SLC30A4: variants seen among roughly 807,000 people sequenced by gnomAD.
The protein encoded by SLC30A4 is solute carrier family 30 member 4.
Under a neutral mutation model 41.7 loss-of-function variants are expected in SLC30A4, and 20 were observed. The ratio of observed to expected loss-of-function variants is 0.48; its 90% CI spans 0.34 to 0.70. SLC30A4 has a LOEUF of 0.70. Ranked by LOEUF, SLC30A4 falls within the 30% of genes least tolerant of loss-of-function variation. SLC30A4 has a pLI of 0.01. For synonymous variants in SLC30A4, 181 were observed against 195.9 expected, an observed-to-expected ratio of 0.92 and a Z score of 0.64; for missense variants, 441 against 529.3, an observed-to-expected ratio of 0.83 and a Z score of 1.64.
intron 2 of SLC30A4, chr15:45,520,769 T>G (rs1892641379): frequency 4.6e-6 from 1 of 215,374 alleles, no homozygotes; most frequent in Non-Finnish European, 9.6e-6. Flanking sequence ...AAAACTTTTG[T>G]TTCAGTTATA....
chr15:45,516,857 A>T (rs1026919093), intron 2 of SLC30A4, among the ~76,000 whole-genome samples: 6 of 152,136 alleles, frequency 3.9e-5, no homozygotes. Flanking sequence ...CAGGAGGCAG[A>T]GGCTGCAGTG....
At chr15:45,502,048 T>C (rs1366533157) in intron 3 of SLC30A4, 2 of 152,110 alleles carry the variant, frequency 1.3e-5, no homozygotes, top group African/African-American at 4.8e-5. Context: ...ACACGGGTGA[T>C]TTCATTGTAA....
intron 2 of SLC30A4, among the ~76,000 whole-genome samples, chr15:45,520,195 TAGTC>T (rs956397614): frequency 1.3e-5 from 2 of 152,066 alleles, no homozygotes; most frequent in Non-Finnish European, 2.9e-5. Flanking sequence ...AGATTTACTT[TAGTC>T]AGTCAGAAAA....
chr15:45,516,153 A>AT (rs776110368), intron 2 of SLC30A4, among the ~76,000 whole-genome samples: 2 of 152,176 alleles, frequency 1.3e-5, no homozygotes, highest in Non-Finnish European at 2.9e-5. Flanking sequence ...TTTTACTATT[A>AT]TATCTGACTG....
intron 3 of SLC30A4, among the ~76,000 whole-genome samples, chr15:45,498,916 G>C (rs775584911): frequency 6.6e-6 from 1 of 152,074 alleles, no homozygotes; most frequent in Non-Finnish European, 1.5e-5. Flanking sequence ...AGAGCAAGAG[G>C]GGATAAAAAA....
chr15:45,486,488 C>CT, intron 7 of SLC30A4, 123 bp downstream of exon 7: 1 of 895,968 alleles, frequency 1.1e-6, no homozygotes, highest in Non-Finnish European at 1.6e-6. Flanking sequence ...AAGACAAAGG[C>CT]TTTTGTCTTA....
At chr15:45,507,935 G>C (rs1231754633) in intron 3 of SLC30A4, among the ~76,000 whole-genome samples, 1 of 152,098 alleles carries the variant, frequency 6.6e-6, no homozygotes, top group Non-Finnish European at 1.5e-5. Flanking sequence ...GAAGGATAGG[G>C]AAACTATCCT....
At chr15:45,508,996 C>T (rs1195660893) in intron 3 of SLC30A4, among the ~76,000 whole-genome samples, 3 of 151,970 alleles carry the variant, frequency 2.0e-5, no homozygotes, top group African/African-American at 4.8e-5. Context: ...ATCAGAATTC[C>T]AAAGGGTTTA....
chr15:45,504,634 C>A (rs1209497107), intron 3 of SLC30A4, among the ~76,000 whole-genome samples: 3 of 152,186 alleles, frequency 2.0e-5, no homozygotes, highest in African/African-American at 7.2e-5. Context: ...ACCTTGAATT[C>A]ATTTAAAATT....
chr15:45,486,466 C>A, intron 7 of SLC30A4, 145 bp downstream of exon 7: 1 of 687,854 alleles, frequency 1.5e-6, no homozygotes. Context: ...TAACAAAAGC[C>A]TTTGTTTTTT....
Position 45,493,433 on chromosome 15 carries a change from T to C in SLC30A4, c.539-2552A>G, listed in dbSNP as rs576933561. 8.5e-5 allele frequency among the ~76,000 whole-genome samples: 13 copies of C among 152,310 alleles called. No homozygotes were observed. The East Asian group carries it at 1.9e-3, about 23-fold the overall frequency. ...TTGCTCAAAAGTTGGTTAAGTATAT[T>C]GGACTCTGACACATTTTCATTTCAA... On this transcript the variant is annotated intron_variant, in intron 3 of 7. Coordinates refer to ENST00000261867, the MANE Select transcript of SLC30A4 (RefSeq NM_013309.6).
chr15:45,496,892 T>C lies in SLC30A4; in HGVS notation c.539-6011A>G, dbSNP rs2140825176. On this transcript the variant is annotated intron_variant, in intron 3 of 7. Coordinates refer to ENST00000261867, the MANE Select transcript of SLC30A4 (RefSeq NM_013309.6). ...AAATAAATAAAATAAATAGGTGTGG[T>C]AGCACATGCCTACAGTTCTAGCTAC... Among the ~76,000 whole-genome samples, 5 of 151,038 alleles carry C rather than the reference T, an allele frequency of 3.3e-5. 1 individual carries two copies. In the Middle Eastern group the frequency reaches 0.014, roughly 417 times the overall value.
At chr15:45,488,808 A>G in intron 5 of SLC30A4, 33 bp downstream of exon 5, 2 of 1,567,892 alleles carry the variant, frequency 1.3e-6, no homozygotes, top group Non-Finnish European at 1.8e-6. Context: ...AATTAAGTAC[A>G]TTTTAAAATA....
At chr15:45,496,065 C>T (rs527962845) in intron 3 of SLC30A4, among the ~76,000 whole-genome samples, 25 of 152,118 alleles carry the variant, frequency 1.6e-4, no homozygotes, top group African/African-American at 5.8e-4. Context: ...AAAAAGTAAA[C>T]TTTTAAGTAG....
intron 2 of SLC30A4, among the ~76,000 whole-genome samples, chr15:45,512,996 TAA>T (rs768254504): frequency 2.2e-5 from 3 of 139,268 alleles, no homozygotes; most frequent in Non-Finnish European, 1.6e-5. Flanking sequence ...AGACATTGAC[TAA>T]AAAAAAAAAA....
chr15:45,516,296 T>C (rs1892472392), intron 2 of SLC30A4, among the ~76,000 whole-genome samples: 1 of 152,230 alleles, frequency 6.6e-6, no homozygotes, highest in Non-Finnish European at 1.5e-5. Context: ...ATATGGTCCC[T>C]GGATCAGTAG....
chr15:45,496,296 C>T (rs1201340211), intron 3 of SLC30A4, among the ~76,000 whole-genome samples: 3 of 152,016 alleles, frequency 2.0e-5, no homozygotes, highest in South Asian at 2.1e-4. Flanking sequence ...CAGATAAAAA[C>T]GGGCAAGATT....
chr15:45,495,410 G>T (rs892491191), intron 3 of SLC30A4, among the ~76,000 whole-genome samples: 1 of 152,130 alleles, frequency 6.6e-6, no homozygotes, highest in African/African-American at 2.4e-5. Flanking sequence ...ATAAATTATA[G>T]TTACCCTAGT....
chr15:45,487,930 G>A (rs1424261681), intron 5 of SLC30A4, among the ~76,000 whole-genome samples: 1 of 145,914 alleles, frequency 6.9e-6, no homozygotes, highest in Non-Finnish European at 1.5e-5. Context: ...GTGTGTGTGT[G>A]TGTGTGTGTG....
Sources: allele counts gnomAD v4.1 joint callset (sites outside exome capture counted in the v4.1 genomes callset), GRCh38; gene constraint gnomAD v4.1.1; transcripts MANE v1.5; gene names NCBI Gene and HGNC (gene_info 2026-07-23, HGNC 2026-07-21).